CNTN4: variants seen among roughly 807,000 people sequenced by gnomAD.
The protein encoded by CNTN4 is contactin-4.
In CNTN4, 77 loss-of-function variants were observed where a neutral mutation model predicts 122.5. The ratio of observed to expected loss-of-function variants is 0.63; its 90% CI spans 0.52 to 0.76. CNTN4 has a LOEUF of 0.76. Ranked by LOEUF, CNTN4 falls within the 30% of genes least tolerant of loss-of-function variation. CNTN4 has a pLI of 0.00. For synonymous variants in CNTN4, 512 were observed against 447.0 expected (o/e 1.15, Z -1.83); for missense variants, 1,256 against 1,259.1 (o/e 1.00, Z 0.04).
chr3:3,034,106 T>G (rs911969939), intron 16 of CNTN4, among the ~76,000 whole-genome samples: 1 of 152,172 alleles, frequency 6.6e-6, no homozygotes, highest in African/African-American at 2.4e-5. Context: ...GTAATTACAG[T>G]GCAGCAGAAT....
intron 21 of CNTN4, chr3:3,042,693 G>A: frequency 8.5e-6 from 5 of 587,022 alleles, no homozygotes; most frequent in South Asian, 8.2e-5. Flanking sequence ...CTTCTGATAT[G>A]CCCAGGATCA....
chr3:2,734,194 G>A (rs745969778), intron 4 of CNTN4, among the ~76,000 whole-genome samples: 3 of 152,084 alleles, frequency 2.0e-5, no homozygotes, highest in Non-Finnish European at 2.9e-5. Context: ...CTGAGTAGCT[G>A]GGACTAGAGG....
chr3:3,017,635 C>A (rs1697881045), intron 14 of CNTN4, among the ~76,000 whole-genome samples: 1 of 152,212 alleles, frequency 6.6e-6, no homozygotes, highest in Admixed American at 6.5e-5. Flanking sequence ...AGAGTCAGAC[C>A]TGTACAGTAT....
chr3:2,875,026 A>C lies in CNTN4; in HGVS notation c.652+8077A>C, dbSNP rs919455660. ...GAGATAGAGTCTGTCTCTGTCACCC[A>C]GGCTGGAATGCAGTGGTGCGATGTC... On this transcript the variant is annotated intron_variant, in intron 8 of 24. Coordinates refer to ENST00000418658, the MANE Select transcript of CNTN4 (RefSeq NM_175607.3). Among the ~76,000 whole-genome samples the C allele has an allele frequency of 1.2e-4, 19 of 152,284 alleles. 5 individuals are homozygous for C. The highest frequency in any genetic ancestry group is 1.2e-4 in the African/African-American group (5 of 41,572).
chr3:2,424,074 ATTGTATTATAC>A (rs1244318599), intron 3 of CNTN4, among the ~76,000 whole-genome samples: 10 of 150,400 alleles, frequency 6.6e-5, no homozygotes, highest in African/African-American at 2.4e-4. Context: ...CTTTTTTTAA[ATTGTATTATAC>A]TTTGAGTTCT....
chr3:2,780,800 G>A (rs1184618355), intron 6 of CNTN4, among the ~76,000 whole-genome samples: 1 of 152,156 alleles, frequency 6.6e-6, no homozygotes, highest in Admixed American at 6.5e-5. Context: ...TTCATTTCCT[G>A]AGAGGTAAAG....
In CNTN4 at chr3:2,524,584, A is replaced by G. The variant is rs538100210; in HGVS notation, c.-88-46832A>G. 6.6e-5 allele frequency among the ~76,000 whole-genome samples: 10 copies of G among 152,262 alleles called. No homozygotes were observed. In the East Asian group the frequency reaches 1.5e-3, roughly 24 times the overall value. ...AACTAAAGAGAATATGGAAATGGCT[A>G]TAAACGAAAATGCTTCTCAATGAAG... On this transcript the variant is annotated intron_variant, in intron 3 of 24. Transcript: ENST00000418658.
intron 3 of CNTN4, among the ~76,000 whole-genome samples, chr3:2,435,633 T>C (rs1158175508): frequency 6.6e-6 from 1 of 152,126 alleles, no homozygotes; most frequent in East Asian, 1.9e-4. Context: ...ATCTTCTTAG[T>C]TCTCCCAAAA....
chr3:3,003,684 CAAAAAAAAAA>C (rs58290160), intron 14 of CNTN4, among the ~76,000 whole-genome samples: 88 of 76,980 alleles, frequency 1.1e-3, no homozygotes, highest in African/African-American at 3.0e-3. Context: ...ATGGTTGCAC[CAAAAAAAAAA>C]AAAAAAAAAA....
At chr3:2,777,676 G>A (rs1011013755) in intron 6 of CNTN4, among the ~76,000 whole-genome samples, 4 of 152,098 alleles carry the variant, frequency 2.6e-5, no homozygotes, top group Admixed American at 2.6e-4. Flanking sequence ...GGTTTATTTG[G>A]GAGGTATCTC....
At chr3:2,364,722 A>G (rs985934038) in intron 3 of CNTN4, among the ~76,000 whole-genome samples, 5 of 152,208 alleles carry the variant, frequency 3.3e-5, no homozygotes, top group African/African-American at 9.6e-5. Context: ...ATGTGGCCCA[A>G]TGAATCTAGT....
chr3:2,897,223 A>G (rs1461502038), intron 10 of CNTN4, among the ~76,000 whole-genome samples: 1 of 152,170 alleles, frequency 6.6e-6, no homozygotes. Flanking sequence ...GAGATTGTTT[A>G]TCTATCCAAG....
At chr3:2,908,332 G>C (rs1222859368) in intron 12 of CNTN4, among the ~76,000 whole-genome samples, 1 of 152,198 alleles carries the variant, frequency 6.6e-6, no homozygotes, top group African/African-American at 2.4e-5. Flanking sequence ...TATTGGCGAT[G>C]GGGACTGCTG....
At chr3:2,817,720 C>G (rs559058483) in intron 6 of CNTN4, among the ~76,000 whole-genome samples, 1 of 152,258 alleles carries the variant, frequency 6.6e-6, no homozygotes, top group Non-Finnish European at 1.5e-5. Context: ...TCATGCAACT[C>G]TGGAAATTGA....
chr3:2,102,565 C>T (rs2032073533), intron 2 of CNTN4, among the ~76,000 whole-genome samples: 1 of 152,158 alleles, frequency 6.6e-6, no homozygotes, highest in Non-Finnish European at 1.5e-5. Context: ...AGTACTCCTT[C>T]AAAGTGTGAT....
At chr3:2,207,030 T>G (rs934138791) in intron 2 of CNTN4, among the ~76,000 whole-genome samples, 23 of 152,168 alleles carry the variant, frequency 1.5e-4, no homozygotes, top group Non-Finnish European at 7.4e-5. Context: ...CTTCTTATTA[T>G]TATATTGTTA....
At chr3:2,108,918 C>T (rs1352148367) in intron 2 of CNTN4, among the ~76,000 whole-genome samples, 1 of 152,088 alleles carries the variant, frequency 6.6e-6, no homozygotes, top group African/African-American at 2.4e-5. Flanking sequence ...TATCTCTTGC[C>T]TAAAACATAG....
At chr3:2,826,293 C>T (rs1038267942) in intron 7 of CNTN4, among the ~76,000 whole-genome samples, 1 of 152,092 alleles carries the variant, frequency 6.6e-6, no homozygotes, top group African/African-American at 2.4e-5. Context: ...TAATATGCAG[C>T]CAGGGTGGAA....
chr3:2,973,380 T>A (rs945954558), intron 13 of CNTN4, among the ~76,000 whole-genome samples: 2 of 152,034 alleles, frequency 1.3e-5, no homozygotes, highest in Non-Finnish European at 2.9e-5. Context: ...ACCTCGAGAC[T>A]AAAATTTTTG....
Sources: gnomAD v4.1 joint callset for allele counts (sites outside exome capture counted in the v4.1 genomes callset) on GRCh38, gnomAD v4.1.1 for gene constraint, MANE v1.5 for transcripts, NCBI Gene and HGNC (gene_info 2026-07-23, HGNC 2026-07-21) for gene names.